RNF216: variants seen among roughly 807,000 people sequenced by gnomAD.
RNF216 encodes the protein ring finger protein 216, also known as E3 ubiquitin-protein ligase RNF216.
RNF216 carries 72 observed loss-of-function variants against 110.8 expected under a neutral mutation model. The ratio of observed to expected loss-of-function variants is 0.65; its 90% CI spans 0.54 to 0.79. The LOEUF is 0.79. Among genes scored for constraint, RNF216 ranks in the 30% least tolerant of loss-of-function variants. The pLI is 0.00. For missense variants in RNF216, 1,342 were observed against 1,141.2 expected, an observed-to-expected ratio of 1.18 and a Z score of -2.54; for synonymous variants, 495 against 407.5, an observed-to-expected ratio of 1.21 and a Z score of -2.59.
intron 15 of RNF216, among the ~76,000 whole-genome samples, chr7:5,631,648 G>C (rs1222283624): frequency 6.6e-6 from 1 of 150,678 alleles, no homozygotes; most frequent in Non-Finnish European, 1.5e-5. Flanking sequence ...AAAAACTCAG[G>C]GATTTGGTTC....
Position 5,650,066 on chromosome 7 carries a change from A to G in RNF216, c.2159+2347T>C, listed in dbSNP as rs1355428798. ...CTACATGAATGCCAGAAGGTTAGAG[A>G]GAGAAATCCCTTGAATGTAGGAATG... is the stretch of plus-strand genomic sequence containing the variant. On this transcript the variant is annotated intron_variant, in intron 14 of 16. Coordinates refer to ENST00000389902, the MANE Select transcript of RNF216 (RefSeq NM_207111.4). The G allele has an allele frequency of 7.9e-5, 12 of 152,264 alleles. No individual in the cohort carries two copies. In the East Asian group the frequency reaches 2.3e-3, roughly 29 times the overall value. The allele number at this position is 152,264 out of a possible 1,614,324, so 9.4% of individuals were successfully genotyped here.
At chr7:5,711,962 T>G (rs562328110) in intron 12 of RNF216, 123 bp from the exon 13 acceptor site, 5 of 721,976 alleles carry the variant, frequency 6.9e-6, no homozygotes, top group African/African-American at 1.8e-5. Context: ...CCCTTTATAC[T>G]CCTTAGTTTT....
chr7:5,698,384 T>TACACACACACACACAC (rs376096873), intron 13 of RNF216, among the ~76,000 whole-genome samples: 66 of 145,394 alleles, frequency 4.5e-4, no homozygotes, highest in African/African-American at 1.4e-3. Flanking sequence ...GATTCTTTTA[T>TACACACACACACACAC]ACACACACAC....
In RNF216 at chr7:5,741,318, AG is replaced by A; in HGVS notation, c.698del (p.Pro233LeufsTer6). 1 of 1,614,056 alleles carries A rather than the reference AG, an allele frequency of 6.2e-7. No individual in the cohort carries two copies. Among genetic ancestry groups the A allele is most frequent in the Non-Finnish European group, 8.5e-7 (1 of 1,179,924 alleles). The part of the protein sequence containing the change: ...AIEEDCWLDH[P>X]YFQSLNQQPR... ...GCTGTTGGTTCAGAGACTGGAAGTAAGGATGATCTAACCAGCAGTCTTCTTC... is the reference window on the plus strand; with the variant it reads ...GCTGTTGGTTCAGAGACTGGAAGTAAGATGATCTAACCAGCAGTCTTCTTC... On this transcript the variant is annotated frameshift_variant, in exon 4 of 17. Transcript: ENST00000389902. LOFTEE classifies it high-confidence loss of function.
chr7:5,752,141 C>T (rs957075361), intron 3 of RNF216, among the ~76,000 whole-genome samples: 10 of 151,644 alleles, frequency 6.6e-5, no homozygotes, highest in Admixed American at 3.9e-4. Context: ...GCCAAGATCG[C>T]GCCACTGCAC....
chr7:5,653,946 A>G (rs1788566815), intron 13 of RNF216, among the ~76,000 whole-genome samples: 1 of 152,264 alleles, frequency 6.6e-6, no homozygotes, highest in Non-Finnish European at 1.5e-5. Flanking sequence ...GCACCAGACC[A>G]GGCAAGGCCT....
In RNF216 at chr7:5,696,348, G is replaced by C. The variant is rs573841262; in HGVS notation, c.2061+15413C>G. Among the ~76,000 whole-genome samples the C allele has an allele frequency of 1.3e-5, 2 of 152,338 alleles. No homozygotes were observed. Among genetic ancestry groups the C allele is most frequent in the Admixed American group, 6.5e-5 (1 of 15,298 alleles). ...TGAGTGAGAGAAATTAAGCTTATTC[G>C]ACATGCCTTCGGCTGGAAAACAAGC... On this transcript the variant is annotated intron_variant, in intron 13 of 16. Coordinates refer to ENST00000389902, the MANE Select transcript of RNF216 (RefSeq NM_207111.4). The surrounding 1 kb of genome is among the most constrained non-coding windows in gnomAD (Gnocchi z 5.4).
intron 5 of RNF216, among the ~76,000 whole-genome samples, chr7:5,734,000 TGTA>T (rs1794243686): frequency 6.6e-6 from 1 of 152,156 alleles, no homozygotes; most frequent in Admixed American, 6.6e-5. Flanking sequence ...TTTAAAAAAA[TGTA>T]GTTATTATCA....
At chr7:5,679,782 C>T (rs1367666310) in intron 13 of RNF216, among the ~76,000 whole-genome samples, 1 of 152,194 alleles carries the variant, frequency 6.6e-6, no homozygotes, top group African/African-American at 2.4e-5. Flanking sequence ...GCATTTCTAA[C>T]AACTGGCCCT....
At chr7:5,712,146 G>A (rs750348811) in intron 12 of RNF216, among the ~76,000 whole-genome samples, 97 of 152,168 alleles carry the variant, frequency 6.4e-4, no homozygotes, top group Admixed American at 2.2e-3. Context: ...TTGTATCTAC[G>A]GGCCAGAAGA....
intron 9 of RNF216, among the ~76,000 whole-genome samples, chr7:5,720,596 G>C (rs1793357954): frequency 6.6e-6 from 1 of 152,104 alleles, no homozygotes; most frequent in Non-Finnish European, 1.5e-5. Context: ...TAATGTCTTA[G>C]CATAGTTATA....
chr7:5,646,005 T>G (rs1397925667), intron 14 of RNF216, among the ~76,000 whole-genome samples: 1 of 152,216 alleles, frequency 6.6e-6, no homozygotes. Context: ...GACAGCTGAT[T>G]CAAAGCATTT....
At chr7:5,659,725 T>C (rs1788981418) in intron 13 of RNF216, among the ~76,000 whole-genome samples, 1 of 152,322 alleles carries the variant, frequency 6.6e-6, no homozygotes, top group African/African-American at 2.4e-5. Flanking sequence ...ATTTGATTCT[T>C]GCTTAGATTT....
At chr7:5,625,574 A>G (rs1234357651) in intron 15 of RNF216, among the ~76,000 whole-genome samples, 1 of 152,214 alleles carries the variant, frequency 6.6e-6, no homozygotes, top group African/African-American at 2.4e-5. Flanking sequence ...TAGGTTATTA[A>G]TGTCACAGCC....
chr7:5,735,131 G>C (rs763095260), intron 5 of RNF216, among the ~76,000 whole-genome samples: 5 of 152,162 alleles, frequency 3.3e-5, no homozygotes, highest in East Asian at 1.9e-4. Flanking sequence ...GGGCAAGAGA[G>C]TGAGACTTCG....
rs751510675 is a variant in RNF216, at chr7:5,741,818, A to T, written c.202-3T>A. The T allele has an allele frequency of 7.6e-6, 12 of 1,584,228 alleles. No individual in the cohort carries two copies. The highest frequency in any genetic ancestry group is 9.4e-6 in the Non-Finnish European group (11 of 1,169,662). On this transcript the variant is annotated splice_region_variant and splice_polypyrimidine_tract_variant and intron_variant, in intron 3 of 16. Coordinates refer to ENST00000389902, the MANE Select transcript of RNF216 (RefSeq NM_207111.4). ...CGTGATCTCTGAGGTTTATTTGTCT[A>T]AGAAAAAATGAAATTTTAATAATTC...
chr7:5,766,714 G>A (rs973339174), intron 1 of RNF216, among the ~76,000 whole-genome samples: 1 of 152,196 alleles, frequency 6.6e-6, no homozygotes, highest in African/African-American at 2.4e-5. Context: ...GTCAGCTTGA[G>A]CTGACTAATA....
In RNF216 at chr7:5,682,416, T is replaced by C. The variant is rs1001171423; in HGVS notation, c.2061+29345A>G. Among the ~76,000 whole-genome samples, 8 of 151,396 alleles carry C rather than the reference T, an allele frequency of 5.3e-5. No homozygotes were observed. In the East Asian group the frequency reaches 9.6e-4, roughly 18 times the overall value. ...AGTTTTACTTTCATTTTTTTTCTTTTTTTTTTTTTTTGAGACAGTCTCACT... is the reference window on the plus strand; with the variant it reads ...AGTTTTACTTTCATTTTTTTTCTTTCTTTTTTTTTTTGAGACAGTCTCACT... On this transcript the variant is annotated intron_variant, in intron 13 of 16. Coordinates refer to ENST00000389902, the MANE Select transcript of RNF216 (RefSeq NM_207111.4).
chr7:5,655,442 A>T (rs1016541174), intron 13 of RNF216, among the ~76,000 whole-genome samples: 1 of 152,218 alleles, frequency 6.6e-6, no homozygotes, highest in Admixed American at 6.5e-5. Context: ...TACTAAAAAT[A>T]CAAAAATTAG....
Sources: gnomAD v4.1 joint callset for allele counts (sites outside exome capture counted in the v4.1 genomes callset) on GRCh38, gnomAD v4.1.1 for gene constraint, Gnocchi (gnomAD v3.1) non-coding constraint, MANE v1.5 for transcripts, NCBI Gene and HGNC (gene_info 2026-07-23, HGNC 2026-07-21) for gene names.